The following DIS3L2 variants were observed in gnomAD, a reference collection of about 807,000 sequenced individuals.
DIS3L2 encodes DIS3-like exonuclease 2.
A neutral mutation model predicts 97.5 loss-of-function variants in DIS3L2; 34 were observed. The ratio of observed to expected loss-of-function variants is 0.35; its 90% CI spans 0.27 to 0.46. The LOEUF (loss-of-function observed/expected upper bound fraction) is 0.46. Among genes scored for constraint, DIS3L2 ranks in the 20% least tolerant of loss-of-function variants. The pLI is 1.00. For missense variants in DIS3L2, 1,038 were observed against 1,146.0 expected (o/e 0.91, Z 1.36); for synonymous variants, 435 against 445.2 (o/e 0.98, Z 0.29).
intron 5 of DIS3L2, among the ~76,000 whole-genome samples, chr2:232,086,475 G>C (rs1451269273): frequency 6.8e-6 from 1 of 147,672 alleles, no homozygotes. Context: ...AACAAAGTCA[G>C]AATTCTGGTA....
chr2:232,015,790 G>T, intron 3 of DIS3L2, 119 bp downstream of exon 3: 1 of 1,179,226 alleles, frequency 8.5e-7, no homozygotes, highest in Non-Finnish European at 1.2e-6. Flanking sequence ...ACAGGTGCAG[G>T]GCTGTTATGA....
At chr2:232,085,305 G>C (rs1401699847) in intron 5 of DIS3L2, among the ~76,000 whole-genome samples, 3 of 152,102 alleles carry the variant, frequency 2.0e-5, no homozygotes, top group Non-Finnish European at 4.4e-5. Flanking sequence ...TGTGTTCACT[G>C]TTCTGCCCTT....
At chr2:232,017,682 A>C (rs1169700096) in intron 3 of DIS3L2, among the ~76,000 whole-genome samples, 2 of 151,914 alleles carry the variant, frequency 1.3e-5, no homozygotes, top group Non-Finnish European at 2.9e-5. Flanking sequence ...TTTCCTCTAA[A>C]AACTGTTCTT....
intron 15 of DIS3L2, 37 bp from the exon 16 acceptor site, chr2:232,330,653 A>G: frequency 6.2e-7 from 1 of 1,607,452 alleles, no homozygotes. Context: ...CCCGAGCTGG[A>G]CCACACGTCA....
chr2:231,963,001 A>C (rs1339498064), intron 1 of DIS3L2, among the ~76,000 whole-genome samples: 1 of 151,442 alleles, frequency 6.6e-6, no homozygotes, highest in Non-Finnish European at 1.5e-5. Flanking sequence ...ACCTAGGTTG[A>C]TTCCGTGTGT....
At position 232,291,949 on chromosome 2, in the gene DIS3L2, G is replaced by A. The variant is rs144968861; in HGVS notation, c.1660-8091G>A. On this transcript the variant is annotated intron_variant, in intron 13 of 20. Coordinates refer to ENST00000325385, the MANE Select transcript of DIS3L2 (RefSeq NM_152383.5). ...AAAGCCTCGAAACCTCTGATGTGGCGTCTTCCCTAACTGATGGAGTTTAGT... is the reference window on the plus strand; with the variant it reads ...AAAGCCTCGAAACCTCTGATGTGGCATCTTCCCTAACTGATGGAGTTTAGT... Among the ~76,000 whole-genome samples the A allele has an allele frequency of 5.4e-3, 815 of 152,304 alleles. 9 individuals are homozygous for A. Among genetic ancestry groups the A allele is most frequent in the African/African-American group, 0.018 (748 of 41,558 alleles).
rs77512048 is a variant in DIS3L2 at position 232,281,655 on chromosome 2, G to A, written c.1659+18215G>A. ...AGTGGAATCAGAACCACAAAAGGGAGGGGGGACACCTGGATATGCCCAGGT... is the reference window on the plus strand; with the variant it reads ...AGTGGAATCAGAACCACAAAAGGGAAGGGGGACACCTGGATATGCCCAGGT... On this transcript the variant is annotated intron_variant, in intron 13 of 20. Coordinates refer to ENST00000325385, the MANE Select transcript of DIS3L2 (RefSeq NM_152383.5). This position sits in a 1 kb window ranked among gnomAD's most constrained non-coding sequence, Gnocchi z 4.1. 4.0e-3 allele frequency among the ~76,000 whole-genome samples: 615 copies of A among 152,240 alleles called. 5 individuals carry two copies. The highest frequency in any genetic ancestry group is 0.014 in the African/African-American group (578 of 41,538).
In DIS3L2 at chr2:232,334,434, C is replaced by G. The variant is rs766597912; in HGVS notation, c.2224C>G (p.Arg742Gly). Residue 742 changes from arginine to glycine, a missense_variant, in exon 18 of 21, where the codon CGC becomes GGC. Physicochemically the swap from Arg to Gly is moderately radical, Grantham distance 125. This residue lies in a region of DIS3L2 where 221 missense variants were observed against 246.9 expected (regional missense o/e 0.90). Transcript: ENST00000325385. The part of the protein sequence containing the change: ...LQKQADHCND[R>G]RMASKRVQEL... ...GAAACAGGCGGACCACTGTAACGAC[C>G]GCCGCATGGCGTCCAAGCGCGTGCA... The G allele has an allele frequency of 6.2e-7, 1 of 1,613,852 alleles. No homozygotes were observed. Among genetic ancestry groups the G allele is most frequent in the East Asian group, 2.2e-5 (1 of 44,880 alleles).
chr2:232,227,117 T>G (rs1383621458), intron 10 of DIS3L2, among the ~76,000 whole-genome samples: 1 of 152,226 alleles, frequency 6.6e-6, no homozygotes. Flanking sequence ...AAATATTTAT[T>G]GTTTCTGTAA....
At chr2:232,333,767 G>GATCCC in intron 16 of DIS3L2, 73 bp from the exon 17 acceptor site, 1 of 1,440,752 alleles carries the variant, frequency 6.9e-7, no homozygotes, top group Non-Finnish European at 9.2e-7. Context: ...GTGAGGCTGT[G>GATCCC]GGTGGTGCCA....
At chr2:232,343,362 T>G in exon 14 of DIS3L2, 2 of 1,557,130 alleles carry the variant, frequency 1.3e-6, no homozygotes, top group Non-Finnish European at 1.7e-6. Context: ...CAGACAAGGA[T>G]GGGGCTGCCC....
intron 1 of DIS3L2, among the ~76,000 whole-genome samples, chr2:231,971,420 A>G (rs1438605499): frequency 1.3e-5 from 2 of 151,660 alleles, no homozygotes; most frequent in Admixed American, 1.3e-4. Context: ...CTGGGACTAC[A>G]GGTGTGTGCC....
At chr2:232,031,545 G>A (rs1694804529) in intron 5 of DIS3L2, among the ~76,000 whole-genome samples, 1 of 149,038 alleles carries the variant, frequency 6.7e-6, no homozygotes, top group South Asian at 2.1e-4. Context: ...TACATGTGCC[G>A]AATGAGCAGG....
At position 232,185,870 on chromosome 2, in the gene DIS3L2, C is replaced by T. The variant is rs544033338; in HGVS notation, c.1124+22238C>T. On this transcript the variant is annotated intron_variant, in intron 9 of 20. Coordinates refer to ENST00000325385, the MANE Select transcript of DIS3L2 (RefSeq NM_152383.5). ...GTCTCAAAAAAAAAAAAAAAAAGCACGATATGCCCAAAGTAAGCAGGAAGG... is the reference window on the plus strand; with the variant it reads ...GTCTCAAAAAAAAAAAAAAAAAGCATGATATGCCCAAAGTAAGCAGGAAGG... Among the ~76,000 whole-genome samples, 802 of 146,622 alleles carry T rather than the reference C, an allele frequency of 5.5e-3. 3 individuals carry two copies. Among genetic ancestry groups the T allele is most frequent in the African/African-American group, 9.3e-3 (372 of 40,088 alleles).
chr2:232,008,098 G>C (rs1694101743), intron 1 of DIS3L2, among the ~76,000 whole-genome samples: 1 of 151,636 alleles, frequency 6.6e-6, no homozygotes, highest in South Asian at 2.1e-4. Flanking sequence ...CTACAGCTTT[G>C]ATCTCCCAGG....
rs1692996739 is a variant in DIS3L2 at position 232,238,556 on chromosome 2, A to G, written c.1228A>G (p.Ile410Val). 6 of 1,614,138 alleles carry G rather than the reference A, an allele frequency of 3.7e-6. No individual in the cohort carries two copies. The East Asian group carries it at 6.7e-5, about 18-fold the overall frequency. The change falls in exon 11 of 21, where the codon ATT becomes GTT. Residue 410 changes from isoleucine (I) to valine (V), a missense_variant. Physicochemically the swap from Ile to Val is conservative, Grantham distance 29 (BLOSUM62 3). This residue lies in a region of DIS3L2 where 813 missense variants were observed against 880.1 expected (regional missense o/e 0.92). Transcript: ENST00000325385. ...ADGNFKVGVHIADVSYFVPEG... is the reference protein window; with the variant it reads ...ADGNFKVGVHVADVSYFVPEG... ...AGGCAACTTCAAAGTGGGAGTTCAC[A>G]TTGCTGACGTGAGTTACTTTGTTCC... is the stretch of plus-strand genomic sequence containing the variant.
chr2:232,118,079 T>C (rs1334481499), intron 6 of DIS3L2, among the ~76,000 whole-genome samples: 1 of 152,208 alleles, frequency 6.6e-6, no homozygotes, highest in South Asian at 2.1e-4. Flanking sequence ...TTGTGGGCTC[T>C]TGGACTGATG....
intron 9 of DIS3L2, among the ~76,000 whole-genome samples, chr2:232,185,045 AATATGACTCT>A (rs1691398024): frequency 6.6e-6 from 1 of 152,210 alleles, no homozygotes; most frequent in East Asian, 1.9e-4. Flanking sequence ...AATTTACTTA[AATATGACTCT>A]GTCTCTCTGA....
intron 8 of DIS3L2, among the ~76,000 whole-genome samples, chr2:232,148,299 G>A (rs923001594): frequency 1.3e-4 from 19 of 151,990 alleles, no homozygotes; most frequent in Non-Finnish European, 2.6e-4. Context: ...CACCCGCCTT[G>A]GCCTCCCAAA....
Sources: allele counts gnomAD v4.1 joint callset (sites outside exome capture counted in the v4.1 genomes callset), GRCh38; gene constraint gnomAD v4.1.1; regional missense constraint gnomAD v4.1.1; non-coding constraint Gnocchi (gnomAD v3.1); transcripts MANE v1.5; gene names NCBI Gene and HGNC (gene_info 2026-07-23, HGNC 2026-07-21).